The following PHACTR1 variants were observed in gnomAD, a reference collection of about 807,000 sequenced individuals.
PHACTR1 encodes the protein phosphatase and actin regulator 1.
Under a neutral mutation model 69.2 loss-of-function variants are expected in PHACTR1, and 16 were observed. That is an observed-to-expected ratio of 0.23 (90% CI 0.16 to 0.35). The LOEUF (loss-of-function observed/expected upper bound fraction) is 0.35. Ranked by LOEUF, PHACTR1 falls within the 10% of genes least tolerant of loss-of-function variation. The pLI is 1.00. For synonymous variants in PHACTR1, 312 were observed against 284.5 expected (o/e 1.10, Z -0.97); for missense variants, 510 against 734.7 (o/e 0.69, Z 3.54).
chr6:13,242,932 T>G (rs1421426926), intron 10 of PHACTR1, among the ~76,000 whole-genome samples: 4 of 152,220 alleles, frequency 2.6e-5, no homozygotes, highest in Non-Finnish European at 5.9e-5. Flanking sequence ...TAGATAATTA[T>G]GCTTCTCAGA....
intron 5 of PHACTR1, among the ~76,000 whole-genome samples, chr6:13,057,016 C>T (rs9369779): frequency 0.55 from 84,176 of 151,860 alleles, 23,789 homozygotes; most frequent in East Asian, 0.84. Flanking sequence ...GAAGGGAGAA[C>T]GAAGAGAAGT....
intron 4 of PHACTR1, among the ~76,000 whole-genome samples, chr6:12,780,661 A>G (rs753639702): frequency 6.6e-6 from 1 of 152,178 alleles, no homozygotes; most frequent in Non-Finnish European, 1.5e-5. Flanking sequence ...ACATGCTCAA[A>G]CCAGGTGCTT....
At chr6:12,828,323 C>T (rs1777028435) in intron 4 of PHACTR1, among the ~76,000 whole-genome samples, 1 of 152,048 alleles carries the variant, frequency 6.6e-6, no homozygotes, top group African/African-American at 2.4e-5. Flanking sequence ...TTTCCTATAG[C>T]GTGTTTATAT....
At chr6:12,955,397 G>T (rs545336288) in intron 4 of PHACTR1, among the ~76,000 whole-genome samples, 1 of 151,800 alleles carries the variant, frequency 6.6e-6, no homozygotes, top group Non-Finnish European at 1.5e-5. Flanking sequence ...TAGCAACGGG[G>T]TCTTGCTATG....
intron 4 of PHACTR1, among the ~76,000 whole-genome samples, chr6:12,896,734 C>T (rs1784708640): frequency 6.6e-6 from 1 of 152,240 alleles, no homozygotes; most frequent in South Asian, 2.1e-4. Flanking sequence ...CTTTAGAAAA[C>T]TACAGTGAAT....
intron 4 of PHACTR1, among the ~76,000 whole-genome samples, chr6:12,995,239 C>T (rs1203909037): frequency 2.8e-5 from 4 of 144,224 alleles, no homozygotes; most frequent in African/African-American, 1.0e-4. Context: ...GTAATGACAA[C>T]TATTAAAAAA....
intron 4 of PHACTR1, among the ~76,000 whole-genome samples, chr6:13,047,272 G>A (rs888053805): frequency 1.3e-5 from 2 of 151,616 alleles, no homozygotes; most frequent in African/African-American, 2.4e-5. Flanking sequence ...CAGCTACTCA[G>A]GAGGCTGAGG....
At chr6:13,197,312 C>T (rs913240674) in intron 7 of PHACTR1, among the ~76,000 whole-genome samples, 6 of 152,186 alleles carry the variant, frequency 3.9e-5, no homozygotes, top group African/African-American at 1.4e-4. Flanking sequence ...ATCAGCCCCA[C>T]ACCAGGGCAG....
chr6:13,158,064 T>G (rs572808872), intron 5 of PHACTR1, among the ~76,000 whole-genome samples: 2 of 152,246 alleles, frequency 1.3e-5, no homozygotes, highest in East Asian at 3.9e-4. Context: ...GTATTTTTAG[T>G]AGAGATGGGG....
chr6:12,949,962 C>T (rs1458495034), intron 4 of PHACTR1, among the ~76,000 whole-genome samples: 1 of 152,258 alleles, frequency 6.6e-6, no homozygotes, highest in African/African-American at 2.4e-5. Flanking sequence ...ACACCTAATG[C>T]TCCAATCCTG....
At chr6:13,086,085 A>AAAAAAAG (rs1812250363) in intron 5 of PHACTR1, among the ~76,000 whole-genome samples, 1 of 95,736 alleles carries the variant, frequency 1.0e-5, no homozygotes, top group African/African-American at 3.2e-5. Flanking sequence ...CACATTTCTA[A>AAAAAAAG]AAAAAAAAAA....
chr6:12,850,213 T>TC (rs1214237817), intron 4 of PHACTR1, among the ~76,000 whole-genome samples: 3 of 152,230 alleles, frequency 2.0e-5, no homozygotes. Context: ...ATCTCCTTCT[T>TC]CCGTCACAAC....
intron 8 of PHACTR1, among the ~76,000 whole-genome samples, chr6:13,208,425 G>A (rs1200262939): frequency 6.6e-6 from 1 of 152,210 alleles, no homozygotes; most frequent in Non-Finnish European, 1.5e-5. Context: ...TTTTACAAAA[G>A]CATCAGTTTG....
chr6:13,025,220 A>G (rs1801511865), intron 4 of PHACTR1, among the ~76,000 whole-genome samples: 1 of 152,130 alleles, frequency 6.6e-6, no homozygotes, highest in South Asian at 2.1e-4. Flanking sequence ...GTGCCACTAC[A>G]CTCTAGCCTG....
chr6:12,951,876 T>G (rs1791335488), intron 4 of PHACTR1, among the ~76,000 whole-genome samples: 1 of 152,206 alleles, frequency 6.6e-6, no homozygotes, highest in Non-Finnish European at 1.5e-5. Flanking sequence ...TTCATTTCAT[T>G]TCAACAAGAG....
At chr6:12,778,947 G>T (rs1242247855) in intron 4 of PHACTR1, among the ~76,000 whole-genome samples, 1 of 152,214 alleles carries the variant, frequency 6.6e-6, no homozygotes, top group Non-Finnish European at 1.5e-5. Flanking sequence ...AGCCACAGGG[G>T]CCAGGCAGGA....
At chr6:12,868,494 C>T (rs62389950) in intron 4 of PHACTR1, among the ~76,000 whole-genome samples, 19,733 of 152,094 alleles carry the variant, frequency 0.13, 1,418 homozygotes, top group Non-Finnish European at 0.16. Context: ...GGCTGGGAGA[C>T]AGTCCACAGT....
At chr6:13,159,033 G>A (rs1192029480) in intron 5 of PHACTR1, among the ~76,000 whole-genome samples, 2 of 152,106 alleles carry the variant, frequency 1.3e-5, no homozygotes, top group East Asian at 1.9e-4. Flanking sequence ...CCCCACGTTC[G>A]CCTGTGTCCC....
At chr6:13,214,965 A>G (rs1297879267) in intron 8 of PHACTR1, among the ~76,000 whole-genome samples, 1 of 152,210 alleles carries the variant, frequency 6.6e-6, no homozygotes, top group South Asian at 2.1e-4. Context: ...AAAAATAAAT[A>G]CGTTTCTAAT....
Sources: allele counts gnomAD v4.1 joint callset (sites outside exome capture counted in the v4.1 genomes callset), GRCh38; gene constraint gnomAD v4.1.1; transcripts MANE v1.5; gene names NCBI Gene and HGNC (gene_info 2026-07-23, HGNC 2026-07-21).